Variants in ZNF836 observed in about 807,000 individuals in gnomAD.
The protein encoded by ZNF836 is zinc finger protein 836.
In ZNF836, 12 loss-of-function variants were observed where a neutral mutation model predicts 7.4. That is an observed-to-expected ratio of 1.61 (90% confidence interval 1.03 to 2.61). ZNF836 has a LOEUF of 2.61. Ranked by LOEUF, ZNF836 falls within the 30% of genes most tolerant of loss-of-function variation. The pLI is 0.00. For missense variants in ZNF836, 998 were observed against 1,126.2 expected (o/e 0.89, Z 1.63); for synonymous variants, 365 against 382.6 (o/e 0.95, Z 0.54).
chr19:52,166,479 CT>C (rs989333472), intron 3 of ZNF836, among the ~76,000 whole-genome samples: 16 of 150,136 alleles, frequency 1.1e-4, no homozygotes, highest in Admixed American at 3.3e-4. Context: ...TCAGAGGTAC[CT>C]TTTTTTTTGA....
rs1157463293 is a variant in ZNF836, at chr19:52,157,380, T to C, written c.303A>G (p.Gln101=). 1.2e-5 allele frequency: 19 copies of C among 1,608,382 alleles called. No individual in the cohort carries two copies. The highest frequency in any genetic ancestry group is 1.6e-5 in the Non-Finnish European group (19 of 1,178,646). The part of the protein sequence containing the change: ...IQKNLQDLEF[Q]WKDGEINYKE... ...TATAATTTATTTCACCATCTTTCCATTGAAACTCAAGGTCCTGTAGATTTT... is the reference window on the plus strand; with the variant it reads ...TATAATTTATTTCACCATCTTTCCACTGAAACTCAAGGTCCTGTAGATTTT... Residue 101 remains glutamine, a synonymous_variant, in exon 5 of 5, where the codon CAA becomes CAG. Coordinates refer to ENST00000682614, the MANE Select transcript of ZNF836 (RefSeq NM_001102657.3).
At position 52,155,288 on chromosome 19, in the gene ZNF836, T is replaced by G; in HGVS notation, c.2395A>C (p.Ile799Leu). 1 of 1,613,928 alleles carries G rather than the reference T, an allele frequency of 6.2e-7. No homozygotes were observed. The highest frequency in any genetic ancestry group is 8.5e-7 in the Non-Finnish European group (1 of 1,179,818). ...HQSTLARHRS[I>L]HTGEKPYVCN... ...ACGTAAGGTTTCTCTCCAGTATGAA[T>G]ACTCCGATGACGTGCTAGTGTTGAT... Residue 799 changes from isoleucine (I) to leucine (L), a missense_variant, in exon 5 of 5, where the codon ATT becomes CTT. By Grantham distance (5) the Ile-to-Leu change is conservative. Transcript: ENST00000682614.
chr19:52,170,836 A>T (rs1175287887), intron 1 of ZNF836, among the ~76,000 whole-genome samples: 3 of 152,182 alleles, frequency 2.0e-5, no homozygotes, highest in Non-Finnish European at 2.9e-5. Context: ...GGGGAGGAAT[A>T]GGATGCCCAC....
chr19:52,160,219 T>G, intron 4 of ZNF836: 1 of 543,036 alleles, frequency 1.8e-6, no homozygotes, highest in Non-Finnish European at 3.2e-6. Context: ...ACCATTATAC[T>G]GACTAATACT....
intron 1 of ZNF836, among the ~76,000 whole-genome samples, chr19:52,170,861 T>C (rs767878769): frequency 6.6e-6 from 1 of 152,196 alleles, no homozygotes; most frequent in African/African-American, 2.4e-5. Flanking sequence ...CGGAAAAGCA[T>C]ATTTTCCAGT....
Position 52,160,684 on chromosome 19 carries a change from T to C in ZNF836, c.16-93A>G, listed in dbSNP as rs2122216409. 4.8e-6 allele frequency: 7 copies of C among 1,456,978 alleles called. No homozygotes were observed. In the East Asian group the frequency reaches 7.1e-5, roughly 15 times the overall value. The allele number at this position is 1,456,978 out of a possible 1,614,324, so 90.3% of individuals were successfully genotyped here. The stretch of plus-strand genomic sequence containing the variant: ...GGAGAGAACTGTCACATCAATTTGA[T>C]TGTGTGTTTTCACATATCCATGCAA... On this transcript the variant is annotated intron_variant, in intron 3 of 4. Coordinates refer to ENST00000682614, the MANE Select transcript of ZNF836 (RefSeq NM_001102657.3).
intron 3 of ZNF836, among the ~76,000 whole-genome samples, chr19:52,163,114 G>A (rs1399127134): frequency 6.6e-6 from 1 of 152,220 alleles, no homozygotes; most frequent in South Asian, 2.1e-4. Context: ...CTGCCCTCAA[G>A]GCCCTGGCAC....
In ZNF836 at chr19:52,156,541, G is replaced by T; in HGVS notation, c.1142C>A (p.Thr381Asn). 1 of 1,614,056 alleles carries T rather than the reference G, an allele frequency of 6.2e-7. No individual in the cohort carries two copies. The highest frequency in any genetic ancestry group is 1.1e-5 in the South Asian group (1 of 91,084). ...SNLVNHQRIH[T>N]GEKPYKCNIC... ...GTTGCATTTGTATGGTTTCTCTCCAGTGTGGATTCTCTGGTGATTTACAAG... is the reference window on the plus strand; with the variant it reads ...GTTGCATTTGTATGGTTTCTCTCCATTGTGGATTCTCTGGTGATTTACAAG... Residue 381 changes from threonine (T) to asparagine (N), a missense_variant, in exon 5 of 5, where the codon ACT (threonine) becomes AAT (asparagine). Transcript: ENST00000682614.
rs191496163 is a variant in ZNF836 at position 52,161,363 on chromosome 19, A to G, written c.16-772T>C. Among the ~76,000 whole-genome samples, 30 of 152,332 alleles carry G rather than the reference A, an allele frequency of 2.0e-4. 1 individual carries two copies. Among genetic ancestry groups the G allele is most frequent in the Admixed American group, 1.8e-3 (28 of 15,298 alleles). ...ATTCTGCTGGCTGGGGAAATCCAAGATCAAGGTGCCAGCAGGACTGATGTC... is the reference window on the plus strand; with the variant it reads ...ATTCTGCTGGCTGGGGAAATCCAAGGTCAAGGTGCCAGCAGGACTGATGTC... On this transcript the variant is annotated intron_variant, in intron 3 of 4. Transcript: ENST00000682614. This position sits in a 1 kb window ranked among gnomAD's most constrained non-coding sequence, Gnocchi z 4.1.
At chr19:52,166,538 ATAT>A (rs1268899691) in intron 3 of ZNF836, among the ~76,000 whole-genome samples, 2 of 151,246 alleles carry the variant, frequency 1.3e-5, no homozygotes, top group African/African-American at 2.4e-5. Flanking sequence ...ATATAATAAA[ATAT>A]TATTTTCCTA....
chr19:52,164,051 G>A (rs537180876), intron 3 of ZNF836, among the ~76,000 whole-genome samples: 1 of 146,042 alleles, frequency 6.8e-6, no homozygotes, highest in African/African-American at 2.7e-5. Flanking sequence ...AAGGAAGGGA[G>A]GGAGGGAGGG....
Position 52,156,336 on chromosome 19 carries a change from C to T in ZNF836, c.1347G>A (p.Lys449=), listed in dbSNP as rs373636017. The T allele has an allele frequency of 6.2e-6, 10 of 1,613,958 alleles. No homozygotes were observed. The East Asian group carries it at 1.8e-4, about 29-fold the overall frequency. The part of the protein sequence containing the change: ...EKPYTCDVCD[K]VFSQRSQLAR... ...CAAGTTGTGAACGTTGACTGAAGAC[C>T]TTGTCGCATACATCACATGTATATG... Residue 449 remains lysine, a synonymous_variant, in exon 5 of 5, where the codon AAG becomes AAA. Transcript: ENST00000682614.
rs1386853779 is a variant in ZNF836 at position 52,161,615 on chromosome 19, G to A, written c.16-1024C>T. Among the ~76,000 whole-genome samples, 3 of 151,282 alleles carry A rather than the reference G, an allele frequency of 2.0e-5. No homozygotes were observed. The East Asian group carries it at 5.8e-4, about 29-fold the overall frequency. ...ACGACTCATAACATTTAAAGATTAG[G>A]CACTGGGGATTAAGTTTCAACATGA... is the stretch of plus-strand genomic sequence containing the variant. On this transcript the variant is annotated intron_variant, in intron 3 of 4. Coordinates refer to ENST00000682614, the MANE Select transcript of ZNF836 (RefSeq NM_001102657.3). The surrounding 1 kb of genome is among the most constrained non-coding windows in gnomAD (Gnocchi z 4.1).
At position 52,161,538 on chromosome 19, in the gene ZNF836, A is replaced by G. The variant is rs1235824439; in HGVS notation, c.16-947T>C. Among the ~76,000 whole-genome samples, 3 of 152,158 alleles carry G rather than the reference A, an allele frequency of 2.0e-5. No individual in the cohort carries two copies. Among genetic ancestry groups the G allele is most frequent in the East Asian group, 1.9e-4 (1 of 5,172 alleles). ...TTGATATCTCATTGACGAGAACACC[A>G]TACCCACTGATAAAGGCAGACTTCT... On this transcript the variant is annotated intron_variant, in intron 3 of 4. Coordinates refer to ENST00000682614, the MANE Select transcript of ZNF836 (RefSeq NM_001102657.3). The surrounding 1 kb of genome is among the most constrained non-coding windows in gnomAD (Gnocchi z 4.1).
In ZNF836 at chr19:52,156,288, A is replaced by G. The variant is rs933400634; in HGVS notation, c.1395T>C (p.Thr465=). ...CATTGCATTTGTAAGGTTTCTCTCC[A>G]GTATGACTTCTCTGGTGCCTTGCAA... ...SQLARHQRSH[T]GEKPYKCNEC... Residue 465 remains threonine, a synonymous_variant, in exon 5 of 5, where the codon ACT becomes ACC. Transcript: ENST00000682614. 9 of 1,614,094 alleles carry G rather than the reference A, an allele frequency of 5.6e-6. No individual in the cohort carries two copies. The African/African-American group carries it at 9.3e-5, about 17-fold the overall frequency.
At position 52,155,150 on chromosome 19, in the gene ZNF836, C is replaced by G. The variant is rs754185187; in HGVS notation, c.2533G>C (p.Glu845Gln). The change falls in exon 5 of 5, where the codon GAA (glutamate) becomes CAA (glutamine). Residue 845 changes from glutamate to glutamine, a missense_variant. By Grantham distance (29) the Glu-to-Gln change is conservative (BLOSUM62 2). Transcript: ENST00000682614. ...KCNECGKAFI[E>Q]RSKLVYHQRN... is the part of the protein sequence containing the mutation. ...TGATGGTACACCAGCTTTGACCTTT[C>G]AATAAAAGCTTTACCACATTCATTA... The G allele has an allele frequency of 1.7e-5, 27 of 1,613,798 alleles. No homozygotes were observed. The African/African-American group carries it at 3.3e-4, about 20-fold the overall frequency.
At chr19:52,162,779 C>CCGG (rs2089224091) in intron 3 of ZNF836, among the ~76,000 whole-genome samples, 1 of 152,294 alleles carries the variant, frequency 6.6e-6, no homozygotes, top group South Asian at 2.1e-4. Context: ...TTCAAGGAGC[C>CCGG]CGGCGCCAGG....
chr19:52,158,103 C>G (rs1249422869), intron 4 of ZNF836, among the ~76,000 whole-genome samples: 1 of 152,110 alleles, frequency 6.6e-6, no homozygotes, highest in Non-Finnish European at 1.5e-5. Flanking sequence ...TAGTTTCAAA[C>G]ATTCAATGAC....
rs1023283316 is a variant in ZNF836 at position 52,156,136 on chromosome 19, T to C, written c.1547A>G (p.His516Arg). Residue 516 changes from histidine (H) to arginine (R), a missense_variant, in exon 5 of 5, where the codon CAT (histidine) becomes CGT (arginine). His to Arg is a conservative substitution (Grantham distance 29). Coordinates refer to ENST00000682614, the MANE Select transcript of ZNF836 (RefSeq NM_001102657.3). ...AFKQGSLLTR[H>R]KIIHTREKRY... ...TTTCTCTCTGGTATGAATTATCTTA[T>C]GTCGAGTGAGTAATGAGCCCTGTTT... 6.2e-7 allele frequency: 1 copy of C among 1,614,068 alleles called. No homozygotes were observed. The highest frequency in any genetic ancestry group is 1.3e-5 in the African/African-American group (1 of 74,942).
Sources: allele counts gnomAD v4.1 joint callset (sites outside exome capture counted in the v4.1 genomes callset), GRCh38; gene constraint gnomAD v4.1.1; non-coding constraint Gnocchi (gnomAD v3.1); transcripts MANE v1.5; gene names NCBI Gene and HGNC (gene_info 2026-07-23, HGNC 2026-07-21).